Variants in CDH13 observed in about 807,000 individuals in gnomAD.
CDH13 encodes the protein cadherin-13.
In CDH13, 24 loss-of-function variants were observed where a neutral mutation model predicts 63.8. The ratio of observed to expected loss-of-function variants is 0.38; its 90% CI spans 0.27 to 0.53. The LOEUF is 0.53. CDH13 is among the 20% of genes least tolerant of loss of function. The pLI, the probability that CDH13 is intolerant of heterozygous loss-of-function variation, is 0.85. For synonymous variants in CDH13, 503 were observed against 355.3 expected, an observed-to-expected ratio of 1.42 and a Z score of -4.67; for missense variants, 1,049 against 903.1, an observed-to-expected ratio of 1.16 and a Z score of -2.07.
intron 4 of CDH13, among the ~76,000 whole-genome samples, chr16:83,158,948 A>G (rs2037332526): frequency 6.6e-6 from 1 of 152,180 alleles, no homozygotes; most frequent in African/African-American, 2.4e-5. Flanking sequence ...GACCTTCATT[A>G]CTGCATATAT....
At chr16:82,676,299 C>T (rs1453229353) in intron 1 of CDH13, among the ~76,000 whole-genome samples, 1 of 152,048 alleles carries the variant, frequency 6.6e-6, no homozygotes, top group Non-Finnish European at 1.5e-5. Context: ...GTGTGATCTT[C>T]CCTCCTAAAC....
intron 1 of CDH13, among the ~76,000 whole-genome samples, chr16:82,841,744 A>G (rs1354654457): frequency 6.6e-6 from 1 of 152,156 alleles, no homozygotes; most frequent in Non-Finnish European, 1.5e-5. Flanking sequence ...ATGATGGTTT[A>G]TGTTCATGAA....
chr16:82,706,712 G>A (rs1304278301), intron 1 of CDH13, among the ~76,000 whole-genome samples: 1 of 151,908 alleles, frequency 6.6e-6, no homozygotes, highest in East Asian at 1.9e-4. Context: ...GCTAAGAAAG[G>A]AGAATTGGTT....
chr16:83,387,400 A>G (rs1219917197), intron 6 of CDH13, among the ~76,000 whole-genome samples: 1 of 152,172 alleles, frequency 6.6e-6, no homozygotes, highest in Non-Finnish European at 1.5e-5. Flanking sequence ...CTGTGATTCC[A>G]GAAGGTATTG....
At chr16:83,612,603 T>G (rs1289537406) in intron 8 of CDH13, among the ~76,000 whole-genome samples, 1 of 152,094 alleles carries the variant, frequency 6.6e-6, no homozygotes, top group African/African-American at 2.4e-5. Context: ...TCCTCTTATC[T>G]CTTATCTTTT....
chr16:83,720,646 C>A (rs995197024), intron 10 of CDH13, among the ~76,000 whole-genome samples: 6 of 152,056 alleles, frequency 3.9e-5, no homozygotes, highest in African/African-American at 1.4e-4. Flanking sequence ...TCAGGCAGAC[C>A]ATCTCGTTTT....
chr16:82,770,004 G>C (rs747350446), intron 1 of CDH13, among the ~76,000 whole-genome samples: 46 of 152,170 alleles, frequency 3.0e-4, no homozygotes, highest in Non-Finnish European at 5.7e-4. Flanking sequence ...CCCTGTTCTT[G>C]AATTGTGTAC....
intron 2 of CDH13, among the ~76,000 whole-genome samples, chr16:82,975,299 C>T: frequency 6.6e-6 from 1 of 152,152 alleles, no homozygotes; most frequent in Admixed American, 6.5e-5. Flanking sequence ...GGAGACAAAA[C>T]CCGTGCGCCT....
At chr16:82,706,331 C>T (rs1037028754) in intron 1 of CDH13, among the ~76,000 whole-genome samples, 2 of 151,996 alleles carry the variant, frequency 1.3e-5, no homozygotes, top group Admixed American at 6.6e-5. Flanking sequence ...AAATGGCCAG[C>T]GAGTATTTGG....
At chr16:83,673,437 C>G (rs773804482) in intron 9 of CDH13, among the ~76,000 whole-genome samples, 1 of 152,104 alleles carries the variant, frequency 6.6e-6, no homozygotes, top group Non-Finnish European at 1.5e-5. Flanking sequence ...GAAACTATAC[C>G]TGGCATCTGG....
intron 3 of CDH13, among the ~76,000 whole-genome samples, chr16:83,094,338 A>G (rs989618301): frequency 1.3e-5 from 2 of 152,174 alleles, no homozygotes; most frequent in African/African-American, 2.4e-5. Context: ...AAATGTTCTC[A>G]GGAGTAACCC....
intron 5 of CDH13, among the ~76,000 whole-genome samples, chr16:83,270,195 G>A (rs984376828): frequency 2.0e-5 from 3 of 152,082 alleles, no homozygotes; most frequent in African/African-American, 7.2e-5. Flanking sequence ...CCAAAAAGGG[G>A]GCAGCTTGTA....
chr16:83,650,558 C>A (rs1487007800), intron 8 of CDH13, among the ~76,000 whole-genome samples: 1 of 152,176 alleles, frequency 6.6e-6, no homozygotes, highest in Non-Finnish European at 1.5e-5. Flanking sequence ...GTTTTCCACA[C>A]CCCGCTGGGA....
At chr16:83,230,324 G>C (rs2039967250) in intron 5 of CDH13, among the ~76,000 whole-genome samples, 1 of 152,144 alleles carries the variant, frequency 6.6e-6, no homozygotes, top group Non-Finnish European at 1.5e-5. Flanking sequence ...AAATGGATGT[G>C]TTAACCCGGG....
At chr16:83,016,227 T>C (rs978208578) in intron 2 of CDH13, among the ~76,000 whole-genome samples, 1 of 152,164 alleles carries the variant, frequency 6.6e-6, no homozygotes, top group Non-Finnish European at 1.5e-5. Flanking sequence ...CACACAAGAA[T>C]TAATTGTGCT....
chr16:83,068,259 G>C (rs1368368590), intron 3 of CDH13, among the ~76,000 whole-genome samples: 1 of 152,106 alleles, frequency 6.6e-6, no homozygotes, highest in African/African-American at 2.4e-5. Flanking sequence ...ATCTCACTTA[G>C]TGTCTAAAAA....
intron 2 of CDH13, among the ~76,000 whole-genome samples, chr16:82,962,568 A>C (rs1300003087): frequency 6.6e-6 from 1 of 152,210 alleles, no homozygotes; most frequent in Non-Finnish European, 1.5e-5. Flanking sequence ...GCAACTCATA[A>C]GGCTGAAGAC....
intron 5 of CDH13, among the ~76,000 whole-genome samples, chr16:83,238,238 G>T (rs973197941): frequency 6.6e-6 from 1 of 150,860 alleles, no homozygotes; most frequent in Non-Finnish European, 1.5e-5. Context: ...AAAAAAGAGA[G>T]ATTTAGTGGA....
chr16:82,827,362 G>T (rs982680773), intron 1 of CDH13, among the ~76,000 whole-genome samples: 4 of 152,172 alleles, frequency 2.6e-5, no homozygotes, highest in African/African-American at 9.7e-5. Flanking sequence ...TGTCTTTAAG[G>T]TATGAAGGGG....
Sources: allele counts gnomAD v4.1 joint callset (sites outside exome capture counted in the v4.1 genomes callset), GRCh38; gene constraint gnomAD v4.1.1; transcripts MANE v1.5; gene names NCBI Gene and HGNC (gene_info 2026-07-23, HGNC 2026-07-21).